SNX4: variants seen among roughly 807,000 people sequenced by gnomAD.
SNX4 encodes the protein sorting nexin 4.
A neutral mutation model predicts 70.8 loss-of-function variants in SNX4; 49 were observed. That is an observed-to-expected ratio of 0.69 (90% CI 0.55 to 0.88). The LOEUF is 0.88. Among genes scored for constraint, SNX4 ranks in the 40% least tolerant of loss-of-function variants. The pLI is 0.00. For synonymous variants in SNX4, 206 were observed against 183.8 expected, an observed-to-expected ratio of 1.12 and a Z score of -0.98; for missense variants, 528 against 544.8, an observed-to-expected ratio of 0.97 and a Z score of 0.31.
chr3:125,514,797 C>A (rs1935239978), intron 1 of SNX4, among the ~76,000 whole-genome samples: 1 of 152,102 alleles, frequency 6.6e-6, no homozygotes, highest in African/African-American at 2.4e-5. Flanking sequence ...CTTGCTCCCA[C>A]CTCAGCCTCC....
intron 1 of SNX4, 85 bp downstream of exon 1, chr3:125,519,947 C>T: frequency 1.8e-6 from 2 of 1,090,858 alleles, no homozygotes; most frequent in Non-Finnish European, 2.4e-6. Context: ...TGGCCCGGCC[C>T]GGCCCAGCCC....
chr3:125,478,787 ACT>A (rs1934342449), intron 7 of SNX4, among the ~76,000 whole-genome samples: 1 of 151,732 alleles, frequency 6.6e-6, no homozygotes, highest in African/African-American at 2.4e-5. Flanking sequence ...TACGATGCAG[ACT>A]CTCTGAATGT....
At chr3:125,455,561 C>A (rs1383633726) in intron 11 of SNX4, among the ~76,000 whole-genome samples, 1 of 152,176 alleles carries the variant, frequency 6.6e-6, no homozygotes, top group East Asian at 1.9e-4. Context: ...GAGAACCAAG[C>A]TCCCTGAAAA....
At chr3:125,504,280 C>T (rs2107565268) in intron 2 of SNX4, among the ~76,000 whole-genome samples, 1 of 150,798 alleles carries the variant, frequency 6.6e-6, no homozygotes, top group African/African-American at 2.4e-5. Context: ...TTGCAGTGAG[C>T]CAAGATCATG....
At position 125,447,689 on chromosome 3, in the gene SNX4, A is replaced by C. The variant is rs112346020; in HGVS notation, c.*90T>G. On this transcript the variant is annotated 3_prime_UTR_variant, in exon 14 of 14. Transcript: ENST00000251775. ...TTTATTTAACTTATTGTATATGTTTATGTATACTAGGTAGTGACTTAAATT... is the reference window on the plus strand; with the variant it reads ...TTTATTTAACTTATTGTATATGTTTCTGTATACTAGGTAGTGACTTAAATT... 4.6e-5 allele frequency: 37 copies of C among 805,810 alleles called. No homozygotes were observed. In the African/African-American group the frequency reaches 5.4e-4, roughly 12 times the overall value. The allele number at this position is 805,810 out of a possible 1,614,324, so 49.9% of individuals were successfully genotyped here.
chr3:125,459,254 G>A (rs1017143211), intron 10 of SNX4, among the ~76,000 whole-genome samples: 5 of 152,060 alleles, frequency 3.3e-5, no homozygotes, highest in African/African-American at 4.8e-5. Context: ...AGATATAATC[G>A]GTGTTACCAG....
At chr3:125,476,502 C>T (rs1301616648) in intron 8 of SNX4, among the ~76,000 whole-genome samples, 193 bp downstream of exon 8, 1 of 151,854 alleles carries the variant, frequency 6.6e-6, no homozygotes, top group Non-Finnish European at 1.5e-5. Context: ...GCCCAGGAGG[C>T]GGGGGTTGCA....
intron 2 of SNX4, among the ~76,000 whole-genome samples, chr3:125,498,667 A>G (rs980486254): frequency 6.6e-6 from 1 of 152,190 alleles, no homozygotes; most frequent in Non-Finnish European, 1.5e-5. Flanking sequence ...TGCACAGTAT[A>G]TGCTCTGCCT....
intron 1 of SNX4, among the ~76,000 whole-genome samples, chr3:125,508,306 G>A (rs978354538): frequency 2.0e-5 from 3 of 152,144 alleles, no homozygotes; most frequent in East Asian, 3.8e-4. Flanking sequence ...GGTGGCTCAC[G>A]CCTGTAATCC....
At chr3:125,498,029 C>T in intron 3 of SNX4, 30 bp downstream of exon 3, 3 of 1,614,026 alleles carry the variant, frequency 1.9e-6, no homozygotes, top group Non-Finnish European at 2.5e-6. Context: ...ATGCTGAATA[C>T]TTCTAAACTA....
chr3:125,504,834 T>A (rs1935012615), intron 1 of SNX4, 90 bp from the exon 2 acceptor site: 6 of 1,392,048 alleles, frequency 4.3e-6, no homozygotes, highest in Non-Finnish European at 5.8e-6. Flanking sequence ...AAACCCATTA[T>A]TGGGTTTATA....
chr3:125,467,019 G>A (rs2107534823), intron 9 of SNX4, among the ~76,000 whole-genome samples: 1 of 149,678 alleles, frequency 6.7e-6, no homozygotes, highest in Non-Finnish European at 1.5e-5. Flanking sequence ...GGAGGTAGAG[G>A]TTGCAGTGAA....
chr3:125,500,327 C>T (rs949922631), intron 2 of SNX4, among the ~76,000 whole-genome samples: 1 of 152,088 alleles, frequency 6.6e-6, no homozygotes, highest in Non-Finnish European at 1.5e-5. Flanking sequence ...GGCATTACTA[C>T]CTATTCTAAA....
chr3:125,470,839 A>C (rs923358182), intron 8 of SNX4, among the ~76,000 whole-genome samples: 1 of 152,160 alleles, frequency 6.6e-6, no homozygotes, highest in Admixed American at 6.6e-5. Context: ...TTGTTTAAAC[A>C]TAAGAGTTCC....
rs567533032 is a variant in SNX4 at position 125,508,490 on chromosome 3, C to G, written c.142-3746G>C. On this transcript the variant is annotated intron_variant, in intron 1 of 13. Coordinates refer to ENST00000251775, the MANE Select transcript of SNX4 (RefSeq NM_003794.4). ...GCTGAGGCAGAAGAATGGCGTGAAC[C>G]CGGGAGGCGGAGCTTGCAGTGAGCC... Among the ~76,000 whole-genome samples the G allele has an allele frequency of 4.3e-4, 66 of 151,958 alleles. No individual in the cohort carries two copies. The South Asian group carries it at 0.012, about 28-fold the overall frequency.
chr3:125,503,028 T>G (rs1272245365), intron 2 of SNX4, among the ~76,000 whole-genome samples: 1 of 151,602 alleles, frequency 6.6e-6, no homozygotes, highest in Non-Finnish European at 1.5e-5. Flanking sequence ...CAAGTGATTC[T>G]CCTGCCTCAG....
chr3:125,457,439 G>A (rs1933751531), intron 10 of SNX4, 74 bp from the exon 11 acceptor site: 4 of 1,112,964 alleles, frequency 3.6e-6, no homozygotes, highest in Non-Finnish European at 5.4e-6. Context: ...GGGTAGAGGA[G>A]AACCATTCAC....
intron 8 of SNX4, among the ~76,000 whole-genome samples, chr3:125,475,685 C>T (rs550737535): frequency 1.3e-5 from 2 of 152,082 alleles, no homozygotes; most frequent in African/African-American, 2.4e-5. Flanking sequence ...TTTAATAATC[C>T]GAAGTAGGGG....
chr3:125,500,728 G>A (rs1934907767), intron 2 of SNX4, among the ~76,000 whole-genome samples: 1 of 148,412 alleles, frequency 6.7e-6, no homozygotes, highest in African/African-American at 2.5e-5. Flanking sequence ...GAACCCCAGA[G>A]GGTGGAGGTT....
Sources: allele counts gnomAD v4.1 joint callset (sites outside exome capture counted in the v4.1 genomes callset), GRCh38; gene constraint gnomAD v4.1.1; transcripts MANE v1.5; gene names NCBI Gene and HGNC (gene_info 2026-07-23, HGNC 2026-07-21).